URB2: variants seen among roughly 807,000 people sequenced by gnomAD.
URB2 encodes unhealthy ribosome biogenesis protein 2 homolog.
Under a neutral mutation model 120.9 loss-of-function variants are expected in URB2, and 86 were observed. The observed-to-expected ratio is 0.71, with a 90% CI of 0.60 to 0.85. The LOEUF (loss-of-function observed/expected upper bound fraction) is 0.85. URB2 is among the 40% of genes least tolerant of loss of function. The pLI is 0.00. For missense variants in URB2, 1,765 were observed against 1,836.5 expected (o/e 0.96, Z 0.71); for synonymous variants, 755 against 758.4 (o/e 1.00, Z 0.07).
chr1:229,658,663 G>A (rs1283658845), intron 9 of URB2, among the ~76,000 whole-genome samples: 2 of 152,154 alleles, frequency 1.3e-5, no homozygotes, highest in Non-Finnish European at 2.9e-5. Flanking sequence ...GAACGTAGTT[G>A]TCATTGTCCC....
intron 3 of URB2, among the ~76,000 whole-genome samples, chr1:229,633,410 A>G (rs1428569323): frequency 6.6e-6 from 1 of 152,256 alleles, no homozygotes; most frequent in Non-Finnish European, 1.5e-5. Context: ...CTTCATAATT[A>G]TATAAAATGT....
intron 4 of URB2, among the ~76,000 whole-genome samples, chr1:229,642,182 G>A (rs1043457382): frequency 2.6e-5 from 4 of 152,190 alleles, no homozygotes; most frequent in Admixed American, 6.5e-5. Flanking sequence ...GATGGGACTC[G>A]GTGGAGAGGC....
chr1:229,656,986 T>C (rs1385706712), intron 9 of URB2, among the ~76,000 whole-genome samples: 1 of 152,098 alleles, frequency 6.6e-6, no homozygotes, highest in African/African-American at 2.4e-5. Flanking sequence ...AGTGAAAAAA[T>C]CGTAAGTTGA....
At chr1:229,647,455 GT>G (rs1397236711) in intron 6 of URB2, 54 bp from the exon 7 acceptor site, 10 of 1,579,388 alleles carry the variant, frequency 6.3e-6, no homozygotes, top group Admixed American at 1.7e-5. Context: ...CAGTGTTTGT[GT>G]TATTTCCTTG....
In URB2 at chr1:229,631,243, G is replaced by A. The variant is rs138072861; in HGVS notation, c.127-1026G>A. ...CTCAGCCTTCATAGAATTGAAGAGA[G>A]TTAGGGCCTTGCTCTGGATTAAGCT... On this transcript the variant is annotated intron_variant, in intron 2 of 9. Coordinates refer to ENST00000258243, the MANE Select transcript of URB2 (RefSeq NM_014777.4). 7.9e-5 allele frequency among the ~76,000 whole-genome samples: 12 copies of A among 152,288 alleles called. No homozygotes were observed. In the East Asian group the frequency reaches 2.1e-3, roughly 27 times the overall value.
At chr1:229,659,064 C>A (rs1282809569) in intron 9 of URB2, 36 bp from the exon 10 acceptor site, 1 of 1,592,668 alleles carries the variant, frequency 6.3e-7, no homozygotes, top group East Asian at 2.3e-5. Context: ...ATCTCTGCCC[C>A]CAATTGTTCT....
chr1:229,636,770 G>A lies in URB2; in HGVS notation c.2157G>A (p.Thr719=), dbSNP rs146869857. The change falls in exon 4 of 10, where the codon ACG becomes ACA. Residue 719 remains threonine, a synonymous_variant. Transcript: ENST00000258243. ...GCAGAAAAAGCTTGAATCAGAGAAC[G>A]ACGGCTTCCTGGGATGGCCAAGTTG... ...GSGRKSLNQR[T]TASWDGQVGM... is the part of the protein sequence containing the mutation. 19 of 1,612,078 alleles carry A rather than the reference G, an allele frequency of 1.2e-5. No homozygotes were observed. In the African/African-American group the frequency reaches 1.9e-4, roughly 16 times the overall value.
chr1:229,651,014 C>A, intron 7 of URB2: 1 of 313,298 alleles, frequency 3.2e-6, no homozygotes, highest in South Asian at 5.2e-5. Flanking sequence ...GGTTCTCTAC[C>A]CTAGATAGTT....
chr1:229,640,997 T>C (rs1353419378), intron 4 of URB2, among the ~76,000 whole-genome samples: 1 of 150,792 alleles, frequency 6.6e-6, no homozygotes, highest in Non-Finnish European at 1.5e-5. Flanking sequence ...CCCTACTGAG[T>C]TGAGGCAATC....
At chr1:229,628,274 A>ATACATATATATATTATATAT (rs1279656206) in intron 2 of URB2, among the ~76,000 whole-genome samples, 2 of 148,254 alleles carry the variant, frequency 1.3e-5, no homozygotes, top group African/African-American at 5.0e-5. Context: ...TATATAAATT[A>ATACATATATATATTATATAT]GTCAGACATG....
chr1:229,642,786 C>G (rs1035524701), intron 4 of URB2, among the ~76,000 whole-genome samples: 2 of 152,110 alleles, frequency 1.3e-5, no homozygotes, highest in Non-Finnish European at 2.9e-5. Context: ...ACAGTTGACC[C>G]TTGAACAACA....
intron 8 of URB2, among the ~76,000 whole-genome samples, chr1:229,653,439 A>G (rs531642827): frequency 2.6e-5 from 4 of 152,284 alleles, no homozygotes; most frequent in Admixed American, 6.5e-5. Flanking sequence ...GTTTCTTTGC[A>G]GTTTTTTCTC....
At chr1:229,628,168 T>C (rs1426525311) in intron 2 of URB2, among the ~76,000 whole-genome samples, 1 of 143,776 alleles carries the variant, frequency 7.0e-6, no homozygotes, top group Non-Finnish European at 1.5e-5. Flanking sequence ...ATATGTATAG[T>C]ATATATGTAT....
At chr1:229,646,646 A>C (rs1038960081) in intron 6 of URB2, among the ~76,000 whole-genome samples, 10 of 152,220 alleles carry the variant, frequency 6.6e-5, no homozygotes, top group Non-Finnish European at 1.5e-4. Flanking sequence ...GTAATGTTGC[A>C]GATAGGAGTT....
intron 7 of URB2, among the ~76,000 whole-genome samples, chr1:229,650,532 G>A (rs1228051457): frequency 1.3e-5 from 2 of 152,056 alleles, no homozygotes; most frequent in Non-Finnish European, 2.9e-5. Context: ...CTGGGTTCAA[G>A]CAGTTTTTGT....
rs768855080 is a variant in URB2 at position 229,651,262 on chromosome 1, T to C, written c.4177T>C (p.Leu1393=). Residue 1393 remains leucine, a synonymous_variant, in exon 8 of 10, where the codon TTG becomes CTG. Coordinates refer to ENST00000258243, the MANE Select transcript of URB2 (RefSeq NM_014777.4). ...AATGCTGAAAGCCATCCCTTCTTTC[T>C]TGAACTCTTTCAATAGATTGGTGTT... The part of the protein sequence containing the change: ...KVMLKAIPSF[L]NSFNRLVFSV... 10 of 1,611,634 alleles carry C rather than the reference T, an allele frequency of 6.2e-6. No individual in the cohort carries two copies. In the South Asian group the frequency reaches 9.9e-5, roughly 16 times the overall value.
In URB2 at chr1:229,636,332, G is replaced by A. The variant is rs1479573104; in HGVS notation, c.1719G>A (p.Glu573=). 1.2e-6 allele frequency: 2 copies of A among 1,614,246 alleles called. No individual in the cohort carries two copies. The highest frequency in any genetic ancestry group is 2.7e-5 in the African/African-American group (2 of 75,080). ...TCAGACGGACACAGTGCATGATGGA[G>A]AGGATGATGAGGGAGCTCGTGCAGC... ...PIVRRTQCMM[E]RMMRELVQPL... is the part of the protein sequence containing the mutation. Residue 573 remains glutamate, a synonymous_variant, in exon 4 of 10, where the codon GAG becomes GAA. Transcript: ENST00000258243.
At chr1:229,645,741 C>A in intron 5 of URB2, 118 bp from the exon 6 acceptor site, 1 of 855,452 alleles carries the variant, frequency 1.2e-6, no homozygotes, top group Non-Finnish European at 2.0e-6. Flanking sequence ...TCCCCTGACA[C>A]CAGGGCTCTC....
rs114407584 is a variant in URB2, at chr1:229,635,914, C to T, written c.1301C>T (p.Ala434Val). ...GACCTGGATGACCTGCTGGCTTCAGCGTGGATCGATGCCGAGGTAACAGAG... is the reference window on the plus strand; with the variant it reads ...GACCTGGATGACCTGCTGGCTTCAGTGTGGATCGATGCCGAGGTAACAGAG... ...EPDLDDLLAS[A>V]WIDAEVTEFR... The change falls in exon 4 of 10, where the codon GCG becomes GTG. Residue 434 changes from alanine (A) to valine (V), a missense_variant. By Grantham distance (64) the Ala-to-Val change is moderately conservative. Coordinates refer to ENST00000258243, the MANE Select transcript of URB2 (RefSeq NM_014777.4). The T allele has an allele frequency of 1.1e-5, 18 of 1,614,180 alleles. No homozygotes were observed. Among genetic ancestry groups the T allele is most frequent in the East Asian group, 8.9e-5 (4 of 44,884 alleles).
Sources: gnomAD v4.1 joint callset for allele counts (sites outside exome capture counted in the v4.1 genomes callset) on GRCh38, gnomAD v4.1.1 for gene constraint, MANE v1.5 for transcripts, NCBI Gene and HGNC (gene_info 2026-07-23, HGNC 2026-07-21) for gene names.